ALK: variants seen among roughly 807,000 people sequenced by gnomAD.
The protein encoded by ALK is ALK tyrosine kinase receptor.
Under a neutral mutation model 163.1 loss-of-function variants are expected in ALK, and 74 were observed. That is an observed-to-expected ratio of 0.45 (90% confidence interval 0.38 to 0.55). The LOEUF (loss-of-function observed/expected upper bound fraction) is 0.55. ALK is among the 20% of genes least tolerant of loss of function. The probability of loss-of-function intolerance (pLI) is 0.00; values close to 1 mark genes in which losing one functional copy is unlikely to be tolerated. For missense variants in ALK, 2,063 were observed against 2,105.3 expected (o/e 0.98, Z 0.39); for synonymous variants, 960 against 843.2 (o/e 1.14, Z -2.40).
At chr2:29,289,515 G>T (rs763437389) in intron 9 of ALK, among the ~76,000 whole-genome samples, 1 of 152,180 alleles carries the variant, frequency 6.6e-6, no homozygotes, top group African/African-American at 2.4e-5. Flanking sequence ...CTGTAGCTTC[G>T]GGAAGGGACA....
chr2:29,296,870 G>A lies in ALK; in HGVS notation c.1817+18C>T. On this transcript the variant is annotated intron_variant, in intron 9 of 28. Coordinates refer to ENST00000389048, the MANE Select transcript of ALK (RefSeq NM_004304.5). The stretch of plus-strand genomic sequence containing the variant: ...CTGATAGAGGAGAAGGGTATTGGGG[G>A]AGATGCATAGAGCCTACCTGTCAGA... The A allele has an allele frequency of 6.2e-7, 1 of 1,614,044 alleles. No homozygotes were observed. The highest frequency in any genetic ancestry group is 8.5e-7 in the Non-Finnish European group (1 of 1,179,954).
chr2:29,845,688 C>A (rs1479185250), intron 1 of ALK, among the ~76,000 whole-genome samples: 1 of 152,190 alleles, frequency 6.6e-6, no homozygotes, highest in African/African-American at 2.4e-5. Flanking sequence ...CCTGCCTCAG[C>A]CTCCAAAAGT....
chr2:29,338,740 T>C (rs560257197), intron 5 of ALK, among the ~76,000 whole-genome samples: 2 of 152,350 alleles, frequency 1.3e-5, no homozygotes, highest in South Asian at 4.1e-4. Context: ...GCCTGTCACA[T>C]AGCAAGTGCT....
At chr2:29,332,929 T>C (rs1314630573) in intron 5 of ALK, among the ~76,000 whole-genome samples, 1 of 152,224 alleles carries the variant, frequency 6.6e-6, no homozygotes, top group African/African-American at 2.4e-5. Flanking sequence ...TTAATACAGA[T>C]TGCCAAATTG....
intron 2 of ALK, among the ~76,000 whole-genome samples, chr2:29,710,306 G>A (rs999170144): frequency 2.6e-5 from 4 of 152,088 alleles, no homozygotes; most frequent in Admixed American, 2.6e-4. Flanking sequence ...CCAGTCTCAG[G>A]TTTGTCTTTA....
At chr2:29,910,989 C>T (rs190869533) in intron 1 of ALK, among the ~76,000 whole-genome samples, 1 of 151,788 alleles carries the variant, frequency 6.6e-6, no homozygotes, top group African/African-American at 2.4e-5. Flanking sequence ...ACAACAACAA[C>T]AAGAAAAACA....
At position 29,484,234 on chromosome 2, in the gene ALK, G is replaced by A. The variant is rs572982257; in HGVS notation, c.1154+47681C>T. Among the ~76,000 whole-genome samples the A allele has an allele frequency of 5.3e-5, 8 of 152,250 alleles. No individual in the cohort carries two copies. In the South Asian group the frequency reaches 1.7e-3, roughly 32 times the overall value. On this transcript the variant is annotated intron_variant, in intron 4 of 28. Transcript: ENST00000389048. The stretch of plus-strand genomic sequence containing the variant: ...ATATAAGTAGGTAATTAGATGGATT[G>A]ATTGATAGAATGACTTTGTCTTCTT...
At chr2:29,612,180 C>T (rs911926138) in intron 3 of ALK, among the ~76,000 whole-genome samples, 1 of 152,182 alleles carries the variant, frequency 6.6e-6, no homozygotes, top group Non-Finnish European at 1.5e-5. Flanking sequence ...TGCCTTTGTG[C>T]TTCTGAGACA....
intron 1 of ALK, among the ~76,000 whole-genome samples, chr2:29,794,384 T>TG (rs1664256551): frequency 6.6e-6 from 1 of 152,184 alleles, no homozygotes; most frequent in South Asian, 2.1e-4. Context: ...GCAATAAGGC[T>TG]GTTTTGCTTT....
At chr2:29,469,768 C>T (rs948970491) in intron 4 of ALK, among the ~76,000 whole-genome samples, 1 of 152,152 alleles carries the variant, frequency 6.6e-6, no homozygotes, top group Non-Finnish European at 1.5e-5. Context: ...CCTAAATCAT[C>T]AAATCCTGAT....
intron 4 of ALK, among the ~76,000 whole-genome samples, chr2:29,493,223 C>G (rs974069082): frequency 5.3e-5 from 8 of 152,180 alleles, no homozygotes; most frequent in Admixed American, 4.6e-4. Context: ...GGGATGAAGA[C>G]TGGATGGCTA....
intron 4 of ALK, among the ~76,000 whole-genome samples, chr2:29,477,664 C>G (rs987017216): frequency 2.6e-5 from 4 of 152,186 alleles, no homozygotes; most frequent in African/African-American, 9.7e-5. Flanking sequence ...CTGATAGATC[C>G]TAACCGGCTG....
chr2:29,747,907 A>G (rs1316951556), intron 1 of ALK, among the ~76,000 whole-genome samples: 1 of 152,160 alleles, frequency 6.6e-6, no homozygotes, highest in Non-Finnish European at 1.5e-5. Flanking sequence ...CTCAACTCAC[A>G]CTAAGGTATA....
At chr2:29,355,004 G>C (rs1035656425) in intron 5 of ALK, among the ~76,000 whole-genome samples, 26 of 152,100 alleles carry the variant, frequency 1.7e-4, no homozygotes, top group Non-Finnish European at 2.2e-4. Context: ...CTGACCTCGT[G>C]ATCCACCTGT....
chr2:29,577,822 T>G (rs1274886302), intron 3 of ALK, among the ~76,000 whole-genome samples: 2 of 152,216 alleles, frequency 1.3e-5, no homozygotes, highest in Non-Finnish European at 2.9e-5. Flanking sequence ...GCAACCTAAA[T>G]GGACACTATA....
intron 4 of ALK, among the ~76,000 whole-genome samples, chr2:29,450,035 C>T (rs1670782413): frequency 6.6e-6 from 1 of 152,116 alleles, no homozygotes; most frequent in Non-Finnish European, 1.5e-5. Context: ...TGGATAATAG[C>T]AAGCAAAACA....
rs1573580166 is a variant in ALK, at chr2:29,717,653, GAGA to G, written c.709_711del (p.Ser237del). ...GTGAGATTCCATGTAAAATAATCAGGAGAAGGAGAAGGCATGTTTGTTGGTGAT... is the reference window on the plus strand; with the variant it reads ...GTGAGATTCCATGTAAAATAATCAGGAGGAGAAGGCATGTTTGTTGGTGAT... On this transcript the variant is annotated inframe_deletion, in exon 2 of 29. Coordinates refer to ENST00000389048, the MANE Select transcript of ALK (RefSeq NM_004304.5). 6.2e-7 allele frequency: 1 copy of G among 1,613,994 alleles called. No individual in the cohort carries two copies.
chr2:29,524,308 C>T (rs12467802), intron 4 of ALK, among the ~76,000 whole-genome samples: 17,420 of 152,236 alleles, frequency 0.11, 1,309 homozygotes, highest in East Asian at 0.31. Context: ...ATTAGATGAC[C>T]AAATTTCAGA....
chr2:29,535,113 A>C (rs547688632), intron 3 of ALK, among the ~76,000 whole-genome samples: 6 of 152,160 alleles, frequency 3.9e-5, no homozygotes, highest in African/African-American at 1.4e-4. Context: ...GTTTCTATTT[A>C]TTTTGCTCAG....
Sources: gnomAD v4.1 joint callset for allele counts (sites outside exome capture counted in the v4.1 genomes callset) on GRCh38, gnomAD v4.1.1 for gene constraint, MANE v1.5 for transcripts, NCBI Gene and HGNC (gene_info 2026-07-23, HGNC 2026-07-21) for gene names.